DMXL1: variants seen among roughly 807,000 people sequenced by gnomAD.
DMXL1 encodes the protein Dmx like 1, also known as dmX-like protein 1.
In DMXL1, 99 loss-of-function variants were observed where a neutral mutation model predicts 319.2. The ratio of observed to expected loss-of-function variants is 0.31; its 90% CI spans 0.26 to 0.37. The LOEUF (loss-of-function observed/expected upper bound fraction) is 0.37. Ranked by LOEUF, DMXL1 falls within the 10% of genes least tolerant of loss-of-function variation. DMXL1 has a pLI of 1.00. For missense variants in DMXL1, 3,745 were observed against 3,595.6 expected, an observed-to-expected ratio of 1.04 and a Z score of -1.06; for synonymous variants, 1,385 against 1,235.2, an observed-to-expected ratio of 1.12 and a Z score of -2.54.
chr5:119,133,030 A>G lies in DMXL1; in HGVS notation c.1316-102A>G, dbSNP rs1580917123. Reference sequence around the variant, plus strand: ...CAGAGCTTCCATGCTCTCCTTAGGCATGAGATCTCCATGTGTTCAGCTATC... The same window carrying G: ...CAGAGCTTCCATGCTCTCCTTAGGCGTGAGATCTCCATGTGTTCAGCTATC... On this transcript the variant is annotated intron_variant, in intron 10 of 43. Transcript: ENST00000539542. 1.8e-5 allele frequency: 24 copies of G among 1,302,160 alleles called. No homozygotes were observed. In the East Asian group the frequency reaches 3.4e-4, roughly 18 times the overall value. 80.7% of individuals were successfully genotyped at this position (1,302,160 alleles called of 1,614,324 possible).
chr5:119,137,572 C>A (rs983498075), intron 13 of DMXL1, among the ~76,000 whole-genome samples: 1 of 152,174 alleles, frequency 6.6e-6, no homozygotes, highest in African/African-American at 2.4e-5. Flanking sequence ...AGGGAGGCAC[C>A]TGGTGGGAGG....
rs1790086247 is a variant in DMXL1, at chr5:119,248,199, GA to G, written c.*984del. On this transcript the variant is annotated 3_prime_UTR_variant, in exon 44 of 44. Transcript: ENST00000539542. ...TAGGTGCTTTTAATCTCAAAATTCT[GA>G]AAAGCGAATAGCAGTGTTTTCAGAA... The G allele has an allele frequency of 6.6e-6, 1 of 152,292 alleles. No individual in the cohort carries two copies. The highest frequency in any genetic ancestry group is 2.4e-5 in the African/African-American group (1 of 41,384). 9.4% of individuals were successfully genotyped at this position (152,292 alleles called of 1,614,324 possible).
At chr5:119,105,499 C>A (rs1025637318) in intron 4 of DMXL1, among the ~76,000 whole-genome samples, 1 of 152,114 alleles carries the variant, frequency 6.6e-6, no homozygotes, top group Admixed American at 6.6e-5. Flanking sequence ...AGAGATATTT[C>A]TCTGGAGAAT....
intron 15 of DMXL1, 35 bp from the exon 16 acceptor site, chr5:119,146,802 A>G (rs541419010): frequency 5.7e-6 from 9 of 1,589,504 alleles, no homozygotes; most frequent in African/African-American, 1.4e-5. Context: ...TCTTTTACAC[A>G]TAGTAACAGT....
At chr5:119,106,370 G>A (rs1758346508) in intron 4 of DMXL1, among the ~76,000 whole-genome samples, 1 of 152,180 alleles carries the variant, frequency 6.6e-6, no homozygotes. Flanking sequence ...ATATGGCAAA[G>A]TCATATTACA....
chr5:119,156,678 ATTTCT>A (rs1771150496), intron 19 of DMXL1, among the ~76,000 whole-genome samples: 1 of 151,044 alleles, frequency 6.6e-6, no homozygotes, highest in Non-Finnish European at 1.5e-5. Flanking sequence ...TTTAGTTAAA[ATTTCT>A]TTTCTTTTCT....
At chr5:119,202,248 A>T (rs186817406) in intron 32 of DMXL1, among the ~76,000 whole-genome samples, 118 of 152,322 alleles carry the variant, frequency 7.7e-4, no homozygotes, top group African/African-American at 2.6e-3. Context: ...GCTATGTCCC[A>T]GAGATTTTGC....
chr5:119,081,694 A>G (rs1752223295), intron 1 of DMXL1: 2 of 985,292 alleles, frequency 2.0e-6, no homozygotes, highest in South Asian at 9.4e-5. Context: ...AATTTTAACC[A>G]GAGGTACCCT....
rs558998319 is a variant in DMXL1 at position 119,077,612 on chromosome 5, A to G, written c.87+5956A>G. ...GATCCTCCCACGTGGCTGGGACCAC[A>G]GACACGTGCCACCATTCCTGGCTTT... On this transcript the variant is annotated intron_variant, in intron 1 of 43. Transcript: ENST00000539542. Among the ~76,000 whole-genome samples the G allele has an allele frequency of 2.1e-5, 3 of 144,070 alleles. No homozygotes were observed. In the East Asian group the frequency reaches 6.1e-4, roughly 29 times the overall value. The allele number at this position is 144,070 out of a possible 152,430, so 94.5% of individuals were successfully genotyped here.
intron 28 of DMXL1, among the ~76,000 whole-genome samples, chr5:119,185,554 G>A (rs1777567199): frequency 6.6e-6 from 1 of 152,090 alleles, no homozygotes; most frequent in African/African-American, 2.4e-5. Flanking sequence ...CCAGGCTGGA[G>A]TGCACTGGCA....
At chr5:119,196,327 C>A in intron 30 of DMXL1, 44 bp from the exon 31 acceptor site, 1 of 1,444,850 alleles carries the variant, frequency 6.9e-7, no homozygotes, top group South Asian at 1.1e-5. Context: ...TCTTCTAAAT[C>A]CCTATAGAAA....
intron 22 of DMXL1, among the ~76,000 whole-genome samples, chr5:119,167,273 G>A (rs945202382): frequency 6.6e-5 from 10 of 151,994 alleles, no homozygotes; most frequent in African/African-American, 1.9e-4. Context: ...CTCCAGGGGC[G>A]GATGGAGAAT....
chr5:119,146,738 ATCT>A (rs1768631583), intron 15 of DMXL1, 96 bp from the exon 16 acceptor site: 9 of 1,236,098 alleles, frequency 7.3e-6, no homozygotes, highest in East Asian at 2.5e-5. Flanking sequence ...AAAGTTTTTA[ATCT>A]TCTTTTTTTA....
chr5:119,116,226 A>T lies in DMXL1; in HGVS notation c.633A>T (p.Gly211=), dbSNP rs1415576523. 6.2e-7 allele frequency: 1 copy of T among 1,613,948 alleles called. No homozygotes were observed. Among genetic ancestry groups the T allele is most frequent in the Non-Finnish European group, 8.5e-7 (1 of 1,179,982 alleles). Reference sequence around the variant, plus strand: ...GGACAGCTGTTACTTCTCCAGATGGAAGTTCAGAAAAACAATCCCAAGGAG... The same window carrying T: ...GGACAGCTGTTACTTCTCCAGATGGTAGTTCAGAAAAACAATCCCAAGGAG... The part of the protein sequence containing the change: ...NWRTAVTSPD[G]SSEKQSQGEI... Residue 211 remains glycine (G), a synonymous_variant, in exon 7 of 44, where the codon GGA becomes GGT. Coordinates refer to ENST00000539542, the MANE Select transcript of DMXL1 (RefSeq NM_001290321.3).
chr5:119,192,238 C>T (rs1347165814), intron 29 of DMXL1, among the ~76,000 whole-genome samples: 1 of 152,186 alleles, frequency 6.6e-6, no homozygotes, highest in Non-Finnish European at 1.5e-5. Flanking sequence ...CTTATTTCCT[C>T]CTGTTATAAT....
intron 35 of DMXL1, among the ~76,000 whole-genome samples, chr5:119,219,699 C>G (rs569531560): frequency 6.6e-6 from 1 of 152,210 alleles, no homozygotes; most frequent in South Asian, 2.1e-4. Context: ...TCCCAAGTAG[C>G]TGGGACTGCA....
At position 119,149,047 on chromosome 5, in the gene DMXL1, T is replaced by G. The variant is rs145963518; in HGVS notation, c.3220T>G (p.Phe1074Val). 6.2e-7 allele frequency: 1 copy of G among 1,613,856 alleles called. No individual in the cohort carries two copies. The highest frequency in any genetic ancestry group is 1.3e-5 in the African/African-American group (1 of 74,928). The change falls in exon 18 of 44, where the codon TTT becomes GTT. Residue 1074 changes from phenylalanine to valine, a missense_variant. Transcript: ENST00000539542. ...ATCTAATAGTAGATCTTCCCAGGACTTTGTGATGCATGTAAGTATTTTTGA... is the reference window on the plus strand; with the variant it reads ...ATCTAATAGTAGATCTTCCCAGGACGTTGTGATGCATGTAAGTATTTTTGA... ...PASNSRSSQD[F>V]VMHVSIFECE...
At chr5:119,219,560 A>ATTTATTTATTT in intron 35 of DMXL1, among the ~76,000 whole-genome samples, 1 of 151,132 alleles carries the variant, frequency 6.6e-6, no homozygotes, top group African/African-American at 2.5e-5. Context: ...ACATTTAATT[A>ATTTATTTATTT]ATTAATTAAT....
At chr5:119,154,623 C>T (rs1452634495) in intron 19 of DMXL1, 4 of 156,966 alleles carry the variant, frequency 2.5e-5, no homozygotes, top group African/African-American at 9.6e-5. Context: ...CCGTAAACTA[C>T]AAGTACAAGG....
Sources: gnomAD v4.1 joint callset for allele counts (sites outside exome capture counted in the v4.1 genomes callset) on GRCh38, gnomAD v4.1.1 for gene constraint, MANE v1.5 for transcripts, NCBI Gene and HGNC (gene_info 2026-07-23, HGNC 2026-07-21) for gene names.